The following PYY variants were observed in gnomAD, a reference collection of about 807,000 sequenced individuals.
The protein encoded by PYY is peptide YY.
PYY carries 12 observed loss-of-function variants against 10.3 expected under a neutral mutation model. The ratio of observed to expected loss-of-function variants is 1.17; its 90% CI spans 0.75 to 1.89. The LOEUF (loss-of-function observed/expected upper bound fraction) is 1.89, where lower values mean the gene tolerates loss of function less well. Ranked by LOEUF, PYY falls within the 40% of genes most tolerant of loss-of-function variation. The pLI is 0.00. For missense variants in PYY, 141 were observed against 134.0 expected (o/e 1.05, Z -0.26); for synonymous variants, 66 against 62.0 (o/e 1.06, Z -0.30).
At chr17:43,970,717 A>C (rs2048787030) in intron 1 of PYY, among the ~76,000 whole-genome samples, 1 of 152,326 alleles carries the variant, frequency 6.6e-6, no homozygotes, top group East Asian at 1.9e-4. Context: ...AGGACCCCCT[A>C]GTACTATCCC....
intron 1 of PYY, among the ~76,000 whole-genome samples, chr17:44,000,999 CTG>C (rs1247314664): frequency 6.6e-6 from 1 of 152,048 alleles, no homozygotes; most frequent in Non-Finnish European, 1.5e-5. Flanking sequence ...AGTTTGTCTA[CTG>C]TGTCTCTTTG....
At position 43,961,701 on chromosome 17, in the gene PYY, C is replaced by T. The variant is rs532513553; in HGVS notation, c.-217-3673G>A. ...GATTACAGGAGTGCGCCACCACACCCGGCTAAGTTTTGTATTTTTAGTAGA... is the reference window on the plus strand; with the variant it reads ...GATTACAGGAGTGCGCCACCACACCTGGCTAAGTTTTGTATTTTTAGTAGA... On this transcript the variant is annotated intron_variant, in intron 2 of 6. Coordinates refer to the PYY transcript ENST00000360085. 7.6e-4 allele frequency among the ~76,000 whole-genome samples: 116 copies of T among 152,210 alleles called. 1 individual carries two copies. The highest frequency in any genetic ancestry group is 3.4e-3 in the Middle Eastern group (1 of 294).
chr17:43,980,156 CTTTTTT>C (rs569138857), intron 1 of PYY, among the ~76,000 whole-genome samples: 31 of 100,620 alleles, frequency 3.1e-4, no homozygotes, highest in Non-Finnish European at 5.5e-4. Context: ...TCCCCTCCAC[CTTTTTT>C]TTTTTTTTTT....
At chr17:43,962,593 C>T (rs1033549321) in intron 2 of PYY, among the ~76,000 whole-genome samples, 105 of 152,350 alleles carry the variant, frequency 6.9e-4, no homozygotes, top group African/African-American at 2.3e-3. Context: ...TGCCCTCAGA[C>T]TGCCGGGACC....
At chr17:43,989,497 A>T (rs537052598) in intron 1 of PYY, among the ~76,000 whole-genome samples, 1 of 152,136 alleles carries the variant, frequency 6.6e-6, no homozygotes, top group African/African-American at 2.4e-5. Flanking sequence ...CCCAGAGTAC[A>T]CTAGGATTCC....
intron 1 of PYY, among the ~76,000 whole-genome samples, chr17:43,971,627 ATG>A (rs2048794378): frequency 6.7e-6 from 1 of 150,186 alleles, no homozygotes; most frequent in Admixed American, 6.6e-5. Flanking sequence ...ACATCTATTC[ATG>A]TGCTTATCTG....
chr17:43,976,189 A>G (rs1259489849), intron 1 of PYY, among the ~76,000 whole-genome samples: 2 of 144,838 alleles, frequency 1.4e-5, no homozygotes, highest in African/African-American at 5.2e-5. Flanking sequence ...ATATACGTAT[A>G]TGTATACATA....
intron 2 of PYY, among the ~76,000 whole-genome samples, chr17:43,962,149 A>T (rs1185795929): frequency 6.6e-6 from 1 of 152,044 alleles, no homozygotes; most frequent in Non-Finnish European, 1.5e-5. Context: ...CAGCCAAGTG[A>T]CTTCTTGTGA....
chr17:43,981,912 T>G (rs1422780801), intron 1 of PYY, among the ~76,000 whole-genome samples: 1 of 152,254 alleles, frequency 6.6e-6, no homozygotes, highest in African/African-American at 2.4e-5. Context: ...ATTTATTTTT[T>G]GGAAATAAGT....
chr17:43,966,035 C>T (rs937829972), intron 2 of PYY, among the ~76,000 whole-genome samples: 1 of 151,988 alleles, frequency 6.6e-6, no homozygotes, highest in African/African-American at 2.4e-5. Flanking sequence ...GCTCCTCTGC[C>T]GAGTTCCCTA....
chr17:43,998,913 G>T (rs904368610), intron 1 of PYY, among the ~76,000 whole-genome samples: 2 of 152,176 alleles, frequency 1.3e-5, no homozygotes, highest in African/African-American at 4.8e-5. Context: ...CGAGTAGGTA[G>T]TTAGAGACAC....
intron 2 of PYY, 44 bp downstream of exon 2, chr17:43,953,252 G>T: frequency 6.2e-7 from 1 of 1,607,214 alleles, no homozygotes; most frequent in Non-Finnish European, 8.5e-7. Context: ...GAGCGGGGCC[G>T]CAGGGTGAGA....
chr17:43,963,051 C>T (rs1386116735), intron 2 of PYY, among the ~76,000 whole-genome samples: 4 of 152,074 alleles, frequency 2.6e-5, no homozygotes, highest in Non-Finnish European at 5.9e-5. Flanking sequence ...CCAAAGCCAC[C>T]GTCATTTTCA....
intron 1 of PYY, among the ~76,000 whole-genome samples, chr17:43,976,324 C>T (rs891720460): frequency 1.5e-5 from 2 of 129,444 alleles, no homozygotes; most frequent in Non-Finnish European, 3.5e-5. Flanking sequence ...TACACATATA[C>T]ATGTATACAT....
At chr17:43,970,045 AG>A (rs1453188641) in intron 1 of PYY, among the ~76,000 whole-genome samples, 2 of 151,692 alleles carry the variant, frequency 1.3e-5, no homozygotes, top group African/African-American at 2.4e-5. Context: ...CCCAGCCAAA[AG>A]TTTTTTTAAT....
intron 1 of PYY, among the ~76,000 whole-genome samples, chr17:43,979,932 G>A (rs1319606004): frequency 6.6e-6 from 1 of 152,010 alleles, no homozygotes. Context: ...CACCTAAAGT[G>A]CACAGATTGT....
chr17:43,956,576 T>C (rs955623468), upstream of PYY, among the ~76,000 whole-genome samples: 6 of 151,728 alleles, frequency 4.0e-5, no homozygotes, highest in African/African-American at 1.5e-4. Context: ...GGGGACAGAA[T>C]CAAAGGGGAG....
chr17:43,963,555 A>C, intron 2 of PYY, among the ~76,000 whole-genome samples: 1 of 140,444 alleles, frequency 7.1e-6, no homozygotes, highest in Admixed American at 7.6e-5. Flanking sequence ...AAGGGAAGGA[A>C]GGAAGGAAGG....
chr17:43,979,461 G>T (rs980942806), intron 1 of PYY, among the ~76,000 whole-genome samples: 4 of 151,916 alleles, frequency 2.6e-5, no homozygotes, highest in African/African-American at 9.7e-5. Context: ...GCAGTTTTGT[G>T]GGAAAAAAAT....
Sources: allele counts gnomAD v4.1 joint callset (sites outside exome capture counted in the v4.1 genomes callset), GRCh38; gene constraint gnomAD v4.1.1; transcripts MANE v1.5; gene names NCBI Gene and HGNC (gene_info 2026-07-23, HGNC 2026-07-21).